Variants in KHDRBS2 observed in about 807,000 individuals in gnomAD.
KHDRBS2 encodes the protein KH RNA binding domain containing, signal transduction associated 2.
Under a neutral mutation model 44.3 loss-of-function variants are expected in KHDRBS2, and 26 were observed. The ratio of observed to expected loss-of-function variants is 0.59; its 90% confidence interval spans 0.43 to 0.81. The LOEUF (loss-of-function observed/expected upper bound fraction) is 0.81. Ranked by LOEUF, KHDRBS2 falls within the 40% of genes least tolerant of loss-of-function variation. The probability of loss-of-function intolerance (pLI) is 0.00; values close to 1 mark genes in which losing one functional copy is unlikely to be tolerated. For synonymous variants in KHDRBS2, 194 were observed against 151.1 expected (o/e 1.28, Z -2.08); for missense variants, 476 against 433.1 (o/e 1.10, Z -0.88).
At chr6:62,148,294 T>C (rs752043829) in intron 2 of KHDRBS2, among the ~76,000 whole-genome samples, 1 of 152,000 alleles carries the variant, frequency 6.6e-6, no homozygotes, top group Non-Finnish European at 1.5e-5. Flanking sequence ...ATAAATTAGC[T>C]AAACTATCTA....
intron 8 of KHDRBS2, among the ~76,000 whole-genome samples, chr6:61,682,611 G>A (rs1766426150): frequency 6.6e-6 from 1 of 151,868 alleles, no homozygotes; most frequent in African/African-American, 2.4e-5. Flanking sequence ...TTCAGTAACT[G>A]TGATAGAGAT....
the KHDRBS2 span, among the ~76,000 whole-genome samples, chr6:61,596,513 A>G: frequency 2.6e-5 from 4 of 152,188 alleles, no homozygotes; most frequent in Non-Finnish European, 5.9e-5. Flanking sequence ...GGTTTGGATA[A>G]GATTCTTTAC....
intron 6 of KHDRBS2, among the ~76,000 whole-genome samples, chr6:61,733,159 C>T (rs1774758459): frequency 6.6e-6 from 1 of 151,892 alleles, no homozygotes; most frequent in Admixed American, 6.6e-5. Context: ...TTTTAATAAT[C>T]ATAATTAAGA....
At chr6:61,902,877 C>A (rs1441715388) in intron 4 of KHDRBS2, among the ~76,000 whole-genome samples, 1 of 152,122 alleles carries the variant, frequency 6.6e-6, no homozygotes, top group Non-Finnish European at 1.5e-5. Flanking sequence ...ACAAGGATTT[C>A]TTTGGCACAG....
the KHDRBS2 span, among the ~76,000 whole-genome samples, chr6:61,579,271 T>G: frequency 6.6e-6 from 1 of 152,168 alleles, no homozygotes; most frequent in African/African-American, 2.4e-5. Context: ...AATAAACTAT[T>G]TGGACTCCGT....
chr6:61,603,876 C>G, the KHDRBS2 span, among the ~76,000 whole-genome samples: 2 of 152,182 alleles, frequency 1.3e-5, no homozygotes, highest in Admixed American at 6.5e-5. Context: ...GACATACACC[C>G]CATTTCCCCA....
chr6:61,848,490 T>C (rs1376542920), intron 6 of KHDRBS2, among the ~76,000 whole-genome samples: 331 of 32,148 alleles, frequency 0.01, 20 homozygotes, highest in East Asian at 0.072. Context: ...TATATATATA[T>C]GTATATATAT....
intron 2 of KHDRBS2, among the ~76,000 whole-genome samples, chr6:62,071,699 T>C (rs1018118277): frequency 2.0e-5 from 3 of 152,196 alleles, no homozygotes; most frequent in African/African-American, 7.2e-5. Context: ...CATTGGTCTA[T>C]ATCTCTGTTT....
Position 62,075,895 on chromosome 6 carries a change from A to ATCTCTC in KHDRBS2, c.220-27907_220-27902dup, listed in dbSNP as rs3884304. ...GGCCTGGCAATCCCTATCTCTCCCTATCTCTCTCTCTCTCTCTCTTCTATT... is the reference window on the plus strand; with the variant it reads ...GGCCTGGCAATCCCTATCTCTCCCTATCTCTCTCTCTCTCTCTCTCTCTCTTCTATT... On this transcript the variant is annotated intron_variant, in intron 2 of 8. Coordinates refer to ENST00000281156, the MANE Select transcript of KHDRBS2 (RefSeq NM_152688.4). Among the ~76,000 whole-genome samples, 406 of 147,952 alleles carry ATCTCTC rather than the reference A, an allele frequency of 2.7e-3. 2 individuals are homozygous for ATCTCTC. The highest frequency in any genetic ancestry group is 4.7e-3 in the African/African-American group (188 of 40,336).
rs1211184938 is a variant in KHDRBS2, at chr6:61,978,051, A to G, written c.483+15T>C. ...CTGATAAGAAACATCTTTGTAAAAA[A>G]TGAAAGACACTTACAGGAACCAGGA... On this transcript the variant is annotated intron_variant, in intron 4 of 8. Transcript: ENST00000281156. The G allele has an allele frequency of 1.3e-6, 2 of 1,568,472 alleles. No homozygotes were observed. The highest frequency in any genetic ancestry group is 2.8e-5 in the African/African-American group (2 of 71,938).
At chr6:61,671,072 T>G in the KHDRBS2 span, among the ~76,000 whole-genome samples, 1 of 151,652 alleles carries the variant, frequency 6.6e-6, no homozygotes, top group Admixed American at 6.6e-5. Context: ...AATTTCATCA[T>G]GTCTAAAAAA....
intron 2 of KHDRBS2, among the ~76,000 whole-genome samples, chr6:62,056,393 C>T (rs894412010): frequency 6.6e-6 from 1 of 151,786 alleles, no homozygotes; most frequent in Admixed American, 6.6e-5. Flanking sequence ...GTAGCAAATA[C>T]ATTTCTTAAA....
At chr6:61,926,386 G>A (rs145794194) in intron 4 of KHDRBS2, among the ~76,000 whole-genome samples, 161 of 152,190 alleles carry the variant, frequency 1.1e-3, no homozygotes, top group South Asian at 8.7e-3. Context: ...GCAGGCAAAC[G>A]GATTACAAAG....
chr6:61,819,403 T>C, intron 6 of KHDRBS2, among the ~76,000 whole-genome samples: 1 of 152,106 alleles, frequency 6.6e-6, no homozygotes, highest in East Asian at 1.9e-4. Flanking sequence ...TTGTCCCTAC[T>C]GTGACTTTCT....
At chr6:61,723,174 A>C (rs934376114) in intron 7 of KHDRBS2, among the ~76,000 whole-genome samples, 2 of 151,708 alleles carry the variant, frequency 1.3e-5, no homozygotes, top group African/African-American at 4.8e-5. Context: ...CAAACAAACA[A>C]ACAAACAGAA....
In KHDRBS2 at chr6:61,782,890, C is replaced by A. The variant is rs551548368; in HGVS notation, c.811-50126G>T. 6.7e-4 allele frequency among the ~76,000 whole-genome samples: 102 copies of A among 151,530 alleles called. 1 individual carries two copies. Among genetic ancestry groups the A allele is most frequent in the Non-Finnish European group, 1.1e-3 (72 of 67,900 alleles). ...TCTTGAAATAGATGGCTACTCAGGC[C>A]ATATTCTTCTTATGGCAATGGCAGA... On this transcript the variant is annotated intron_variant, in intron 6 of 8. Transcript: ENST00000281156.
At chr6:62,102,798 C>T (rs1802204375) in intron 2 of KHDRBS2, among the ~76,000 whole-genome samples, 1 of 152,182 alleles carries the variant, frequency 6.6e-6, no homozygotes, top group African/African-American at 2.4e-5. Flanking sequence ...GAGTGTGTCA[C>T]TGCTTGCAGC....
At position 61,901,210 on chromosome 6, in the gene KHDRBS2, A is replaced by T. The variant is rs780728213; in HGVS notation, c.611+34T>A. On this transcript the variant is annotated intron_variant, in intron 5 of 8. Coordinates refer to ENST00000281156, the MANE Select transcript of KHDRBS2 (RefSeq NM_152688.4). ...AGCAGGACAAAAAAGGCCTGCCATC[A>T]TCCTTAATTTATTTAAAGTAAGAAT... 1.9e-6 allele frequency: 3 copies of T among 1,599,942 alleles called. No homozygotes were observed. The South Asian group carries it at 3.4e-5, about 18-fold the overall frequency.
chr6:62,251,521 G>T (rs2150175009), intron 1 of KHDRBS2, among the ~76,000 whole-genome samples: 1 of 151,646 alleles, frequency 6.6e-6, no homozygotes, highest in South Asian at 2.1e-4. Flanking sequence ...GCAGAGGTGA[G>T]ATTAAACCTA....
Sources: gnomAD v4.1 joint callset for allele counts (sites outside exome capture counted in the v4.1 genomes callset) on GRCh38, gnomAD v4.1.1 for gene constraint, MANE v1.5 for transcripts, NCBI Gene and HGNC (gene_info 2026-07-23, HGNC 2026-07-21) for gene names.